ANXA5: variants seen among roughly 807,000 people sequenced by gnomAD.
The protein encoded by ANXA5 is annexin A5.
A neutral mutation model predicts 48.1 loss-of-function variants in ANXA5; 40 were observed. The ratio of observed to expected loss-of-function variants is 0.83; its 90% confidence interval spans 0.65 to 1.08. The LOEUF (loss-of-function observed/expected upper bound fraction) is 1.08, where lower values mean the gene tolerates loss of function less well. ANXA5 is among the 50% of genes least tolerant of loss of function. The pLI, the probability that ANXA5 is intolerant of heterozygous loss-of-function variation, is 0.00. For synonymous variants in ANXA5, 113 were observed against 129.1 expected, an observed-to-expected ratio of 0.88 and a Z score of 0.85; for missense variants, 357 against 376.8, an observed-to-expected ratio of 0.95 and a Z score of 0.44.
intron 8 of ANXA5, among the ~76,000 whole-genome samples, chr4:121,675,828 G>GC (rs1314044588): frequency 1.3e-5 from 2 of 152,196 alleles, no homozygotes; most frequent in African/African-American, 4.8e-5. Context: ...TCCCAGGTGC[G>GC]CCACATGCCC....
intron 8 of ANXA5, among the ~76,000 whole-genome samples, chr4:121,674,692 T>A (rs1290687525): frequency 6.6e-6 from 1 of 152,194 alleles, no homozygotes; most frequent in Non-Finnish European, 1.5e-5. Flanking sequence ...TATTAAGTAA[T>A]CATATGCAAT....
At position 121,675,200 on chromosome 4, in the gene ANXA5, T is replaced by TA. The variant is rs568073731; in HGVS notation, c.532-2575dup. On this transcript the variant is annotated intron_variant, in intron 8 of 12. Coordinates refer to ENST00000296511, the MANE Select transcript of ANXA5 (RefSeq NM_001154.4). The stretch of plus-strand genomic sequence containing the variant: ...AAAGTATTAAATCAATTTAACACAT[T>TA]AAAAATGTTAAAAAGTGGATTATCT... Among the ~76,000 whole-genome samples the TA allele has an allele frequency of 4.2e-3, 642 of 152,320 alleles. 3 individuals carry two copies. Among genetic ancestry groups the TA allele is most frequent in the Non-Finnish European group, 7.1e-3 (481 of 68,024 alleles).
intron 2 of ANXA5, among the ~76,000 whole-genome samples, chr4:121,687,257 G>A (rs566090521): frequency 1.4e-5 from 2 of 146,308 alleles, no homozygotes; most frequent in Non-Finnish European, 3.0e-5. Context: ...CCAAGATCGC[G>A]CCACTGCACT....
At position 121,671,662 on chromosome 4, in the gene ANXA5, TTCCC is replaced by T; in HGVS notation, c.626-24_626-21del. 6.6e-7 allele frequency: 1 copy of T among 1,511,214 alleles called. No individual in the cohort carries two copies. Among genetic ancestry groups the T allele is most frequent in the Non-Finnish European group, 9.2e-7 (1 of 1,087,858 alleles). 93.6% of individuals were successfully genotyped at this position (1,511,214 alleles called of 1,614,324 possible). A position where few individuals can be genotyped will look rare whatever the true frequency, so the allele number is the denominator to read the frequency against. Reference sequence around the variant, plus strand: ...CAAACACTAGAAAAAATAAAAATGATTCCCTAATCATGTAGGGATCACTCTTTCC... The same window carrying T: ...CAAACACTAGAAAAAATAAAAATGATTAATCATGTAGGGATCACTCTTTCC... On this transcript the variant is annotated intron_variant, in intron 9 of 12. Transcript: ENST00000296511.
chr4:121,679,894 G>A (rs925657360), intron 6 of ANXA5, among the ~76,000 whole-genome samples: 2 of 152,026 alleles, frequency 1.3e-5, no homozygotes, highest in African/African-American at 4.8e-5. Flanking sequence ...GTGTGGTGAG[G>A]ACATTTAAAA....
chr4:121,687,301 CAA>C (rs79008900), intron 2 of ANXA5, among the ~76,000 whole-genome samples: 69 of 53,680 alleles, frequency 1.3e-3, no homozygotes, highest in Non-Finnish European at 1.5e-3. Context: ...CTCTGTCTCA[CAA>C]AAAAAAAAAA....
At chr4:121,674,339 A>G (rs1724662731) in intron 8 of ANXA5, among the ~76,000 whole-genome samples, 1 of 151,780 alleles carries the variant, frequency 6.6e-6, no homozygotes, top group African/African-American at 2.4e-5. Context: ...AGAAAAGGAA[A>G]AAGGAGAAAG....
chr4:121,675,916 G>GT (rs1724690935), intron 8 of ANXA5, among the ~76,000 whole-genome samples: 1 of 152,200 alleles, frequency 6.6e-6, no homozygotes, highest in Non-Finnish European at 1.5e-5. Context: ...AAAATGTACT[G>GT]TTTTCCCCTC....
intron 3 of ANXA5, among the ~76,000 whole-genome samples, chr4:121,685,629 A>G (rs1269016777): frequency 6.6e-6 from 1 of 152,222 alleles, no homozygotes; most frequent in African/African-American, 2.4e-5. Context: ...AAAGCACATG[A>G]ACAGTAGTAC....
At chr4:121,695,223 A>C (rs1725059075) in intron 2 of ANXA5, among the ~76,000 whole-genome samples, 1 of 152,258 alleles carries the variant, frequency 6.6e-6, no homozygotes, top group African/African-American at 2.4e-5. Flanking sequence ...AACTTAAACC[A>C]AACTTTCCAC....
intron 1 of ANXA5, 98 bp downstream of exon 1, chr4:121,696,765 C>A: frequency 4.6e-6 from 2 of 438,212 alleles, no homozygotes; most frequent in Non-Finnish European, 7.9e-6. Context: ...TCGCAGCTAC[C>A]GGGACAGCTC....
At chr4:121,680,088 C>T (rs920956502) in intron 6 of ANXA5, among the ~76,000 whole-genome samples, 1 of 152,122 alleles carries the variant, frequency 6.6e-6, no homozygotes, top group Non-Finnish European at 1.5e-5. Context: ...CACTGTTTTA[C>T]TATCTGTTTC....
intron 12 of ANXA5, among the ~76,000 whole-genome samples, chr4:121,668,848 C>G (rs1724564743): frequency 6.6e-6 from 1 of 151,918 alleles, no homozygotes; most frequent in African/African-American, 2.4e-5. Context: ...TGTCATGGCT[C>G]TCCCTCCGAG....
intron 2 of ANXA5, 115 bp from the exon 3 acceptor site, chr4:121,686,487 A>T: frequency 1.3e-6 from 1 of 761,122 alleles, no homozygotes. Flanking sequence ...TAAATTTACC[A>T]TTTGATAAGA....
rs200988962 is a variant in ANXA5, at chr4:121,681,670, C to A, written c.394+1G>T. 2.1e-5 allele frequency: 34 copies of A among 1,602,514 alleles called. No individual in the cohort carries two copies. The highest frequency in any genetic ancestry group is 2.8e-5 in the Non-Finnish European group (33 of 1,170,776). The stretch of plus-strand genomic sequence containing the variant: ...TCAAAATATAACTCACAAACATTTA[C>A]CTTCTTCATAAACTTGTTTGATGGC... On this transcript the variant is annotated splice_donor_variant, in intron 6 of 12. Transcript: ENST00000296511. LOFTEE classifies it high-confidence loss of function.
At position 121,681,712 on chromosome 4, in the gene ANXA5, G is replaced by T. The variant is rs1388549118; in HGVS notation, c.353C>A (p.Thr118Lys). ...TTTGATGGCTCTCAGTTCTTCAGGT[G>T]TCCTTGAAGCAATAATTTCTGTCAG... Reference protein sequence around the residue: ...KVLTEIIASRTPEELRAIKQV... With the variant: ...KVLTEIIASRKPEELRAIKQV... The change falls in exon 6 of 13, where the codon ACA (threonine) becomes AAA (lysine). Residue 118 changes from threonine (T) to lysine (K), a missense_variant. Thr to Lys is a moderately conservative substitution (Grantham distance 78). Transcript: ENST00000296511. 6.2e-7 allele frequency: 1 copy of T among 1,612,778 alleles called. No homozygotes were observed. The highest frequency in any genetic ancestry group is 2.2e-5 in the East Asian group (1 of 44,764).
intron 10 of ANXA5, among the ~76,000 whole-genome samples, 182 bp downstream of exon 10, chr4:121,671,365 C>T (rs1229009201): frequency 6.6e-6 from 1 of 152,198 alleles, no homozygotes; most frequent in Admixed American, 6.5e-5. Flanking sequence ...ACTAACCAGA[C>T]AATCCTGTAT....
In ANXA5 at chr4:121,696,601, A is replaced by T. The variant is rs998827804; in HGVS notation, c.-12T>A. 18 of 1,422,346 alleles carry T rather than the reference A, an allele frequency of 1.3e-5. No homozygotes were observed. The highest frequency in any genetic ancestry group is 1.7e-5 in the Non-Finnish European group (18 of 1,077,556). The allele number at this position is 1,422,346 out of a possible 1,614,324, so 88.1% of individuals were successfully genotyped here. A position where few individuals can be genotyped will look rare whatever the true frequency, so the allele number is the denominator to read the frequency against. Reference sequence around the variant, plus strand: ...CTTACCTGTGCCATGGCGACTACTCAGGTCAGGGGAAGGTGAAGCAGGACT... The same window carrying T: ...CTTACCTGTGCCATGGCGACTACTCTGGTCAGGGGAAGGTGAAGCAGGACT... On this transcript the variant is annotated 5_prime_UTR_variant, in exon 2 of 13. Coordinates refer to ENST00000296511, the MANE Select transcript of ANXA5 (RefSeq NM_001154.4).
At chr4:121,692,245 G>T (rs1394402667) in intron 2 of ANXA5, among the ~76,000 whole-genome samples, 1 of 152,202 alleles carries the variant, frequency 6.6e-6, no homozygotes, top group African/African-American at 2.4e-5. Context: ...TGGTAGAAAA[G>T]AAGGTTTTGA....
Sources: allele counts gnomAD v4.1 joint callset (sites outside exome capture counted in the v4.1 genomes callset), GRCh38; gene constraint gnomAD v4.1.1; transcripts MANE v1.5; gene names NCBI Gene and HGNC (gene_info 2026-07-23, HGNC 2026-07-21).